Variants in MYPN observed in about 807,000 individuals in gnomAD.
MYPN encodes the protein myopalladin, also known as sarcomeric protein myopalladin, 145 kDa (MYOP).
In MYPN, 63 loss-of-function variants were observed where a neutral mutation model predicts 129.4. The observed-to-expected ratio is 0.49, with a 90% CI of 0.40 to 0.60. The LOEUF (loss-of-function observed/expected upper bound fraction) is 0.60. MYPN is among the 20% of genes least tolerant of loss of function. The probability of loss-of-function intolerance (pLI) is 0.00; values close to 1 mark genes in which losing one functional copy is unlikely to be tolerated. For missense variants in MYPN, 1,596 were observed against 1,635.4 expected, an observed-to-expected ratio of 0.98 and a Z score of 0.42; for synonymous variants, 629 against 600.9, an observed-to-expected ratio of 1.05 and a Z score of -0.68.
At chr10:68,117,930 T>C (rs777135298) in intron 1 of MYPN, among the ~76,000 whole-genome samples, 10 of 152,034 alleles carry the variant, frequency 6.6e-5, no homozygotes, top group Non-Finnish European at 1.3e-4. Context: ...CTGAGGCATA[T>C]AGAGTTTAAA....
chr10:68,181,201 C>T (rs993604113), intron 12 of MYPN, among the ~76,000 whole-genome samples: 1 of 152,168 alleles, frequency 6.6e-6, no homozygotes, highest in Non-Finnish European at 1.5e-5. Context: ...GGCATAAACC[C>T]AGTACTGGAC....
chr10:68,128,072 C>A (rs2042353715), intron 2 of MYPN, among the ~76,000 whole-genome samples: 1 of 152,114 alleles, frequency 6.6e-6, no homozygotes, highest in African/African-American at 2.4e-5. Context: ...GGGGTGGAAT[C>A]CTGTATCACT....
chr10:68,173,955 C>A, intron 10 of MYPN, 111 bp from the exon 11 acceptor site: 1 of 926,408 alleles, frequency 1.1e-6, no homozygotes. Flanking sequence ...GCATGAGCCA[C>A]CATGCCCCGC....
At chr10:68,107,379 C>T (rs2042025245), upstream of MYPN, among the ~76,000 whole-genome samples, 1 of 138,138 alleles carries the variant, frequency 7.2e-6, no homozygotes, top group East Asian at 2.1e-4. Context: ...CTTGCTGTGT[C>T]ACCCAGTCTG....
chr10:68,169,181 T>TAAA lies in MYPN; in HGVS notation c.1973+2540_1973+2542dup, dbSNP rs59317396. Among the ~76,000 whole-genome samples, 103 of 91,064 alleles carry TAAA rather than the reference T, an allele frequency of 1.1e-3. 4 individuals are homozygous for TAAA. Among genetic ancestry groups the TAAA allele is most frequent in the African/African-American group, 6.0e-3 (90 of 14,910 alleles). The allele number at this position is 91,064 out of a possible 152,430, so 59.7% of individuals were successfully genotyped here. On this transcript the variant is annotated intron_variant, in intron 10 of 19. Coordinates refer to ENST00000358913, the MANE Select transcript of MYPN (RefSeq NM_032578.4). ...TAACACGGTGAAACTCCGTCTCTACTAAAAAAAAAAAAAAAAAAAAAAAAA... is the reference window on the plus strand; with the variant it reads ...TAACACGGTGAAACTCCGTCTCTACTAAAAAAAAAAAAAAAAAAAAAAAAAAAA...
At position 68,197,390 on chromosome 10, in the gene MYPN, T is replaced by C. The variant is rs2043626849; in HGVS notation, c.3197T>C (p.Leu1066Pro). The C allele has an allele frequency of 4.3e-6, 7 of 1,614,002 alleles. No homozygotes were observed. Among genetic ancestry groups the C allele is most frequent in the Non-Finnish European group, 5.9e-6 (7 of 1,179,922 alleles). ...GTGCAAGAAAGAGACAAAGAGCCCC[T>C]ACAGGAACGCTTTTTCCGACCACAT... Reference protein sequence around the residue: ...SRVQERDKEPLQERFFRPHFL... With the variant: ...SRVQERDKEPPQERFFRPHFL... The change falls in exon 16 of 20, where the codon CTA (leucine) becomes CCA (proline). Residue 1066 changes from leucine (L) to proline (P), a missense_variant. By Grantham distance (98) the Leu-to-Pro change is moderately conservative. Coordinates refer to ENST00000358913, the MANE Select transcript of MYPN (RefSeq NM_032578.4).
At chr10:68,095,421 A>C (rs1417901742) in intron 1 of MYPN, among the ~76,000 whole-genome samples, 2 of 152,018 alleles carry the variant, frequency 1.3e-5, no homozygotes, top group Non-Finnish European at 2.9e-5. Flanking sequence ...TGTAATTTGC[A>C]GAAGCATCCT....
chr10:68,156,965 C>T (rs555634644), intron 6 of MYPN, among the ~76,000 whole-genome samples: 4 of 152,214 alleles, frequency 2.6e-5, no homozygotes, highest in Admixed American at 6.5e-5. Context: ...ATACATGTGC[C>T]GAAAAAGCAT....
At chr10:68,141,473 G>A (rs1427819168) in intron 2 of MYPN, among the ~76,000 whole-genome samples, 1 of 151,964 alleles carries the variant, frequency 6.6e-6, no homozygotes, top group Non-Finnish European at 1.5e-5. Flanking sequence ...CAACTGCCAA[G>A]GCTACTTAAT....
chr10:68,106,985 A>G (rs1424223582), upstream of MYPN, among the ~76,000 whole-genome samples: 1 of 152,232 alleles, frequency 6.6e-6, no homozygotes, highest in African/African-American at 2.4e-5. Context: ...GTTTTTAACT[A>G]TGTTGGGCAT....
chr10:68,202,088 T>C (rs1335292170), intron 18 of MYPN, 94 bp downstream of exon 18: 34 of 1,428,870 alleles, frequency 2.4e-5, no homozygotes, highest in Non-Finnish European at 3.2e-5. Flanking sequence ...TCTGGCTTAC[T>C]TCATTTAGAA....
chr10:68,158,675 T>G, intron 7 of MYPN, 48 bp downstream of exon 7: 1 of 1,337,868 alleles, frequency 7.5e-7, no homozygotes, highest in South Asian at 1.2e-5. Context: ...TTTTATGAAC[T>G]TATTGTACAC....
In MYPN at chr10:68,210,385, T is replaced by G; in HGVS notation, c.3893T>G (p.Phe1298Cys). 1 of 1,614,058 alleles carries G rather than the reference T, an allele frequency of 6.2e-7. No homozygotes were observed. Among genetic ancestry groups the G allele is most frequent in the Non-Finnish European group, 8.5e-7 (1 of 1,180,036 alleles). ...AAAGGACTTGACATATTTTCTGCCTTTTCCTCCATGGAAAGCACGATGGTG... is the reference window on the plus strand; with the variant it reads ...AAAGGACTTGACATATTTTCTGCCTGTTCCTCCATGGAAAGCACGATGGTG... ...TSKGLDIFSA[F>C]SSMESTMVYS... Residue 1298 changes from phenylalanine to cysteine, a missense_variant, in exon 20 of 20, where the codon TTT becomes TGT. Physicochemically the swap from Phe to Cys is radical, Grantham distance 205. Coordinates refer to ENST00000358913, the MANE Select transcript of MYPN (RefSeq NM_032578.4).
chr10:68,167,952 C>T (rs944138009), intron 10 of MYPN, among the ~76,000 whole-genome samples: 1 of 152,172 alleles, frequency 6.6e-6, no homozygotes, highest in African/African-American at 2.4e-5. Context: ...GGAACTGGGC[C>T]TTTTCACCTG....
chr10:68,137,120 AC>A (rs2042498922), intron 2 of MYPN, among the ~76,000 whole-genome samples: 1 of 152,186 alleles, frequency 6.6e-6, no homozygotes, highest in African/African-American at 2.4e-5. Context: ...AAACATGTTA[AC>A]AAAAAAAATT....
At chr10:68,138,157 CA>C (rs1315829812) in intron 2 of MYPN, among the ~76,000 whole-genome samples, 1 of 148,036 alleles carries the variant, frequency 6.8e-6, no homozygotes, top group Non-Finnish European at 1.5e-5. Flanking sequence ...GGCTGGGGTG[CA>C]GTGCCGCGAT....
At chr10:68,136,359 C>A in intron 2 of MYPN, 1 of 870,946 alleles carries the variant, frequency 1.1e-6, no homozygotes, top group Non-Finnish European at 1.4e-6. Flanking sequence ...CACCTACTGC[C>A]ATTCTGTAAG....
intron 2 of MYPN, among the ~76,000 whole-genome samples, chr10:68,128,311 C>G (rs1280301168): frequency 1.3e-5 from 2 of 152,168 alleles, no homozygotes; most frequent in Non-Finnish European, 2.9e-5. Context: ...TTCCAGGCAG[C>G]ACAAATTTAC....
At chr10:68,138,700 C>T (rs1157451588) in intron 2 of MYPN, among the ~76,000 whole-genome samples, 2 of 152,212 alleles carry the variant, frequency 1.3e-5, no homozygotes, top group Non-Finnish European at 2.9e-5. Context: ...TTAGCCATTT[C>T]TGCTGACTTC....
Sources: allele counts gnomAD v4.1 joint callset (sites outside exome capture counted in the v4.1 genomes callset), GRCh38; gene constraint gnomAD v4.1.1; transcripts MANE v1.5; gene names NCBI Gene and HGNC (gene_info 2026-07-23, HGNC 2026-07-21).